RNF220: variants seen among roughly 807,000 people sequenced by gnomAD.
The protein encoded by RNF220 is E3 ubiquitin-protein ligase RNF220.
A neutral mutation model predicts 67.1 loss-of-function variants in RNF220; 7 were observed. That is an observed-to-expected ratio of 0.10 (90% confidence interval 0.06 to 0.20). The LOEUF (loss-of-function observed/expected upper bound fraction) is 0.20, where lower values mean the gene tolerates loss of function less well. RNF220 is among the 10% of genes least tolerant of loss of function. RNF220 has a pLI of 1.00. For synonymous variants in RNF220, 270 were observed against 283.2 expected, an observed-to-expected ratio of 0.95 and a Z score of 0.47; for missense variants, 565 against 740.3, an observed-to-expected ratio of 0.76 and a Z score of 2.75.
chr1:44,514,308 G>A (rs1433621082), intron 2 of RNF220, among the ~76,000 whole-genome samples: 1 of 152,202 alleles, frequency 6.6e-6, no homozygotes, highest in Non-Finnish European at 1.5e-5. Context: ...TTGGAAGCCC[G>A]TGCCTTCCTG....
intron 2 of RNF220, among the ~76,000 whole-genome samples, chr1:44,586,371 G>A (rs1444849489): frequency 1.3e-5 from 2 of 152,170 alleles, no homozygotes; most frequent in Admixed American, 1.3e-4. Flanking sequence ...GGGCACAGCA[G>A]TGACAAGGTC....
chr1:44,579,792 G>C (rs1437380134), intron 2 of RNF220, among the ~76,000 whole-genome samples: 1 of 152,066 alleles, frequency 6.6e-6, no homozygotes, highest in Non-Finnish European at 1.5e-5. Flanking sequence ...CCTTCGGGAG[G>C]CTGAGGTGGG....
At chr1:44,535,733 T>C (rs1572805043) in intron 2 of RNF220, among the ~76,000 whole-genome samples, 1 of 152,308 alleles carries the variant, frequency 6.6e-6, no homozygotes, top group East Asian at 1.9e-4. Context: ...CCTGGGTGAC[T>C]ACTGAAGCTG....
At chr1:44,501,751 A>G (rs1657906949) in intron 2 of RNF220, among the ~76,000 whole-genome samples, 1 of 152,022 alleles carries the variant, frequency 6.6e-6, no homozygotes, top group Admixed American at 6.6e-5. Context: ...TGACAAGTGC[A>G]GGCTTGGTTG....
intron 2 of RNF220, among the ~76,000 whole-genome samples, chr1:44,588,969 T>C (rs1665910467): frequency 6.6e-6 from 1 of 152,216 alleles, no homozygotes; most frequent in Non-Finnish European, 1.5e-5. Context: ...CTGCCTCCTC[T>C]CCTAGAATTT....
At chr1:44,570,505 G>T (rs113433057) in intron 2 of RNF220, among the ~76,000 whole-genome samples, 61 of 152,296 alleles carry the variant, frequency 4.0e-4, no homozygotes, top group African/African-American at 1.4e-3. Flanking sequence ...AAGTACAGAG[G>T]GGTCGGATAA....
At chr1:44,510,008 C>CG (rs1658845083) in intron 2 of RNF220, among the ~76,000 whole-genome samples, 1 of 151,490 alleles carries the variant, frequency 6.6e-6, no homozygotes, top group African/African-American at 2.4e-5. Context: ...GAGGCCAAGG[C>CG]GGGAGGATCG....
At chr1:44,535,004 G>T (rs1207361224) in intron 2 of RNF220, among the ~76,000 whole-genome samples, 1 of 152,180 alleles carries the variant, frequency 6.6e-6, no homozygotes, top group Non-Finnish European at 1.5e-5. Context: ...TGACCAGGGA[G>T]CAAGTTACTG....
chr1:44,593,391 A>G (rs1395798501), intron 2 of RNF220, among the ~76,000 whole-genome samples: 1 of 152,246 alleles, frequency 6.6e-6, no homozygotes. Context: ...CTATCTAAAG[A>G]AATTTTTCAT....
chr1:44,611,043 G>T (rs1462107494), intron 2 of RNF220, among the ~76,000 whole-genome samples: 1 of 152,206 alleles, frequency 6.6e-6, no homozygotes, highest in African/African-American at 2.4e-5. Flanking sequence ...GGCAGGCCAT[G>T]TCGTTAGTGC....
chr1:44,415,560 A>G (rs1356085902), intron 2 of RNF220, among the ~76,000 whole-genome samples: 1 of 152,178 alleles, frequency 6.6e-6, no homozygotes, highest in Non-Finnish European at 1.5e-5. Flanking sequence ...CTTAAAATTT[A>G]GAGTTAATTG....
intron 2 of RNF220, among the ~76,000 whole-genome samples, chr1:44,473,566 A>C (rs1309477671): frequency 6.6e-6 from 1 of 152,010 alleles, no homozygotes; most frequent in East Asian, 1.9e-4. Flanking sequence ...ATCTCTTCCA[A>C]CTTACTAGGC....
chr1:44,412,362 C>T lies in RNF220; in HGVS notation c.265C>T (p.Pro89Ser), dbSNP rs753557652. The change falls in exon 2 of 15, where the codon CCC becomes TCC. Residue 89 changes from proline (P) to serine (S), a missense_variant. By Grantham distance (74) the Pro-to-Ser change is moderately conservative (BLOSUM62 -1). Coordinates refer to ENST00000361799, the MANE Select transcript of RNF220 (RefSeq NM_018150.4). This position sits in a 1 kb window ranked among gnomAD's most constrained non-coding sequence, Gnocchi z 5.3. The part of the protein sequence containing the change: ...VPGTFANRDF[P>S]PSLLHLHPQF... The stretch of plus-strand genomic sequence containing the variant: ...AGGCACTTTTGCCAATCGTGATTTC[C>T]CCCCTTCTCTACTACACCTCCACCC... 11 of 1,614,048 alleles carry T rather than the reference C, an allele frequency of 6.8e-6. No homozygotes were observed. The highest frequency in any genetic ancestry group is 9.3e-6 in the Non-Finnish European group (11 of 1,180,040).
At chr1:44,523,831 G>A (rs1023124202) in intron 2 of RNF220, among the ~76,000 whole-genome samples, 5 of 152,136 alleles carry the variant, frequency 3.3e-5, no homozygotes, top group East Asian at 1.9e-4. Context: ...CCATCCCCTC[G>A]TCCATCCCGA....
intron 2 of RNF220, among the ~76,000 whole-genome samples, chr1:44,536,038 T>A (rs561228336): frequency 6.6e-6 from 1 of 152,196 alleles, no homozygotes; most frequent in Non-Finnish European, 1.5e-5. Context: ...TTTTCTAATC[T>A]AATAGAGTAA....
At chr1:44,464,051 G>A (rs1211916644) in intron 2 of RNF220, among the ~76,000 whole-genome samples, 1 of 152,122 alleles carries the variant, frequency 6.6e-6, no homozygotes, top group Non-Finnish European at 1.5e-5. Context: ...GAAAGGAGGG[G>A]GCATACTATG....
intron 2 of RNF220, among the ~76,000 whole-genome samples, chr1:44,481,691 A>G (rs988565201): frequency 2.0e-5 from 3 of 152,180 alleles, no homozygotes; most frequent in Non-Finnish European, 2.9e-5. Flanking sequence ...AAGGGGGAAA[A>G]AAAGAAGAGC....
At chr1:44,480,998 A>G (rs1053021611) in intron 2 of RNF220, among the ~76,000 whole-genome samples, 2 of 152,230 alleles carry the variant, frequency 1.3e-5, no homozygotes, top group Non-Finnish European at 2.9e-5. Flanking sequence ...ATGGAGGGCA[A>G]TAGGTCACTT....
At chr1:44,501,976 G>A (rs56040015) in intron 2 of RNF220, among the ~76,000 whole-genome samples, 39,586 of 149,970 alleles carry the variant, frequency 0.26, 5,302 homozygotes, top group Middle Eastern at 0.27. Flanking sequence ...CTACAGCCAC[G>A]CAGCAGGCTA....
Sources: gnomAD v4.1 joint callset for allele counts (sites outside exome capture counted in the v4.1 genomes callset) on GRCh38, gnomAD v4.1.1 for gene constraint, Gnocchi (gnomAD v3.1) non-coding constraint, MANE v1.5 for transcripts, NCBI Gene and HGNC (gene_info 2026-07-23, HGNC 2026-07-21) for gene names.